The following PALM2AKAP2 variants were observed in gnomAD, a reference collection of about 807,000 sequenced individuals.
PALM2AKAP2 encodes PALM2-AKAP2 fusion protein.
A neutral mutation model predicts 71.5 loss-of-function variants in PALM2AKAP2; 37 were observed. The ratio of observed to expected loss-of-function variants is 0.52; its 90% CI spans 0.40 to 0.68. The LOEUF (loss-of-function observed/expected upper bound fraction) is 0.68, where lower values mean the gene tolerates loss of function less well. PALM2AKAP2 is among the 30% of genes least tolerant of loss of function. The probability of loss-of-function intolerance (pLI) is 0.00; values close to 1 mark genes in which losing one functional copy is unlikely to be tolerated. For synonymous variants in PALM2AKAP2, 468 were observed against 478.8 expected (o/e 0.98, Z 0.29); for missense variants, 1,224 against 1,191.8 (o/e 1.03, Z -0.40).
intron 6 of PALM2AKAP2, among the ~76,000 whole-genome samples, chr9:109,939,535 A>G (rs1831311231): frequency 6.6e-6 from 1 of 152,262 alleles, no homozygotes; most frequent in Admixed American, 6.5e-5. Context: ...GCAGAATAAT[A>G]AGATATTGTA....
intron 3 of PALM2AKAP2, among the ~76,000 whole-genome samples, chr9:109,902,795 G>A (rs1830359293): frequency 6.6e-6 from 1 of 152,136 alleles, no homozygotes; most frequent in South Asian, 2.1e-4. Flanking sequence ...TATGACCGAC[G>A]CCTGCTCTGG....
chr9:110,044,924 A>G (rs1833572555), upstream of PALM2AKAP2, among the ~76,000 whole-genome samples: 1 of 151,956 alleles, frequency 6.6e-6, no homozygotes, highest in African/African-American at 2.4e-5. Flanking sequence ...GACCATTATT[A>G]TTTGCTGGAT....
At chr9:109,891,885 T>C (rs1229914935) in intron 3 of PALM2AKAP2, among the ~76,000 whole-genome samples, 1 of 152,204 alleles carries the variant, frequency 6.6e-6, no homozygotes, top group Non-Finnish European at 1.5e-5. Context: ...TCATTACTAC[T>C]CAGTCCAGGT....
At chr9:110,015,677 C>G (rs1832968937) in intron 6 of PALM2AKAP2, among the ~76,000 whole-genome samples, 1 of 152,156 alleles carries the variant, frequency 6.6e-6, no homozygotes, top group Non-Finnish European at 1.5e-5. Context: ...ATCCCAGCCT[C>G]TTCTCCACCC....
At chr9:109,901,828 T>C (rs1830337079) in intron 3 of PALM2AKAP2, among the ~76,000 whole-genome samples, 1 of 152,154 alleles carries the variant, frequency 6.6e-6, no homozygotes, top group African/African-American at 2.4e-5. Flanking sequence ...AGAGGATGGA[T>C]GAGAACACCA....
intron 1 of PALM2AKAP2, among the ~76,000 whole-genome samples, chr9:109,810,150 T>C (rs538323744): frequency 1.8e-4 from 28 of 152,180 alleles, no homozygotes; most frequent in Non-Finnish European, 3.7e-4. Context: ...GTCCATAGCA[T>C]GCAGATAAAT....
intron 1 of PALM2AKAP2, among the ~76,000 whole-genome samples, chr9:109,839,394 T>A (rs1828585839): frequency 6.6e-6 from 1 of 152,154 alleles, no homozygotes; most frequent in South Asian, 2.1e-4. Flanking sequence ...CTCAAAATAA[T>A]AAGGGCTATT....
intron 1 of PALM2AKAP2, among the ~76,000 whole-genome samples, chr9:110,059,541 A>G (rs1833916973): frequency 6.6e-6 from 1 of 152,138 alleles, no homozygotes; most frequent in Non-Finnish European, 1.5e-5. Context: ...TCTTTTTGCA[A>G]TTTCTATGCA....
At chr9:110,113,399 C>T (rs1835293049) in intron 1 of PALM2AKAP2, among the ~76,000 whole-genome samples, 1 of 151,824 alleles carries the variant, frequency 6.6e-6, no homozygotes, top group Non-Finnish European at 1.5e-5. Context: ...CCACCATGCC[C>T]AGCTAATTTT....
chr9:109,965,968 A>G (rs1831940464), intron 6 of PALM2AKAP2, among the ~76,000 whole-genome samples: 1 of 152,172 alleles, frequency 6.6e-6, no homozygotes, highest in African/African-American at 2.4e-5. Context: ...GCCAGGAGGA[A>G]ATGTGTAAGC....
intron 6 of PALM2AKAP2, among the ~76,000 whole-genome samples, chr9:109,988,102 CAA>C (rs1832412920): frequency 6.6e-6 from 1 of 152,200 alleles, no homozygotes; most frequent in Non-Finnish European, 1.5e-5. Flanking sequence ...ATTATTATCT[CAA>C]GAGGCAAAAC....
In PALM2AKAP2 at chr9:109,683,880, A is replaced by G. The variant is rs539826599; in HGVS notation, c.5+43014A>G. ...CATGATAATGTATAATATACATTAT[A>G]TAGTGTATATTGGTTATATTATAAC... On this transcript the variant is annotated intron_variant, in intron 1 of 6. Transcript: ENST00000374531. Among the ~76,000 whole-genome samples the G allele has an allele frequency of 8.5e-5, 13 of 152,224 alleles. No homozygotes were observed. The South Asian group carries it at 2.7e-3, about 32-fold the overall frequency.
intron 3 of PALM2AKAP2, among the ~76,000 whole-genome samples, chr9:109,898,390 C>T (rs958681534): frequency 6.6e-6 from 1 of 152,196 alleles, no homozygotes; most frequent in African/African-American, 2.4e-5. Flanking sequence ...TCTCAAAAGA[C>T]CTCTCTCAGA....
At chr9:109,845,231 G>A (rs1481175111) in intron 1 of PALM2AKAP2, among the ~76,000 whole-genome samples, 1 of 152,168 alleles carries the variant, frequency 6.6e-6, no homozygotes, top group Non-Finnish European at 1.5e-5. Context: ...TTCTCACCAT[G>A]TGCTGTGTCA....
chr9:110,135,164 A>AAAAAAATATATATATATAT lies in PALM2AKAP2; in HGVS notation c.157-962_157-961insAAAAATATATATATATATA. Among the ~76,000 whole-genome samples, 4 of 51,742 alleles carry AAAAAAATATATATATATAT rather than the reference A, an allele frequency of 7.7e-5. 1 individual carries two copies. The highest frequency in any genetic ancestry group is 1.1e-4 in the Non-Finnish European group (3 of 26,640). The allele number at this position is 51,742 out of a possible 152,430, so 33.9% of individuals were successfully genotyped here. A position where few individuals can be genotyped will look rare whatever the true frequency, so the allele number is the denominator to read the frequency against. On this transcript the variant is annotated intron_variant, in intron 1 of 3. Transcript: ENST00000374525. ...AACTCTGTCTCTACAAAAAAAAAAA[A>AAAAAAATATATATATATAT]ATATATAAATATATATATATATATA...
chr9:109,979,283 G>A lies in PALM2AKAP2; in HGVS notation c.497-36671G>A, dbSNP rs143181501. 4.8e-3 allele frequency among the ~76,000 whole-genome samples: 729 copies of A among 152,300 alleles called. 4 individuals carry two copies. The highest frequency in any genetic ancestry group is 5.7e-3 in the Non-Finnish European group (389 of 68,026). ...GCTGGGATTACAAGTGTTAGCCATTGCGCCTGGTCTCAGGTCTCCTCTTTC... is the reference window on the plus strand; with the variant it reads ...GCTGGGATTACAAGTGTTAGCCATTACGCCTGGTCTCAGGTCTCCTCTTTC... On this transcript the variant is annotated intron_variant, in intron 6 of 9. Transcript: ENST00000302798.
chr9:110,032,758 A>C (rs1020647773), intron 7 of PALM2AKAP2, among the ~76,000 whole-genome samples: 5 of 145,400 alleles, frequency 3.4e-5, no homozygotes, highest in African/African-American at 1.2e-4. Context: ...AAATAAAAAA[A>C]CAAAAAAAAT....
intron 1 of PALM2AKAP2, among the ~76,000 whole-genome samples, chr9:109,753,933 G>A (rs139159838): frequency 0.011 from 1,661 of 152,278 alleles, 19 homozygotes; most frequent in Admixed American, 0.03. Context: ...GAAGAGAAAA[G>A]AGTAATTATA....
At chr9:109,826,808 T>G (rs1471609208) in intron 1 of PALM2AKAP2, among the ~76,000 whole-genome samples, 1 of 152,174 alleles carries the variant, frequency 6.6e-6, no homozygotes, top group Non-Finnish European at 1.5e-5. Flanking sequence ...CTGGGGTGAT[T>G]GAAGTTGCAA....
Sources: allele counts gnomAD v4.1 joint callset (sites outside exome capture counted in the v4.1 genomes callset), GRCh38; gene constraint gnomAD v4.1.1; transcripts MANE v1.5; gene names NCBI Gene and HGNC (gene_info 2026-07-23, HGNC 2026-07-21).